Variants in PHC3 observed in about 807,000 individuals in gnomAD.
The protein encoded by PHC3 is polyhomeotic homolog 3.
A neutral mutation model predicts 107.4 loss-of-function variants in PHC3; 13 were observed. The observed-to-expected ratio is 0.12, with a 90% CI of 0.08 to 0.19. The LOEUF is 0.19. Among genes scored for constraint, PHC3 ranks in the 10% least tolerant of loss-of-function variants. The pLI, the probability that PHC3 is intolerant of heterozygous loss-of-function variation, is 1.00. For synonymous variants in PHC3, 456 were observed against 427.4 expected (o/e 1.07, Z -0.83); for missense variants, 992 against 1,210.9 (o/e 0.82, Z 2.68).
chr3:170,168,504 G>T (rs564053313), intron 4 of PHC3, among the ~76,000 whole-genome samples: 3 of 151,656 alleles, frequency 2.0e-5, no homozygotes, highest in Non-Finnish European at 2.9e-5. Flanking sequence ...GGTGGCTCAC[G>T]CCTGTAATCC....
intron 4 of PHC3, among the ~76,000 whole-genome samples, chr3:170,154,707 T>C (rs1726611546): frequency 6.6e-6 from 1 of 152,242 alleles, no homozygotes; most frequent in East Asian, 1.9e-4. Flanking sequence ...AAAGAACAAG[T>C]GTTGTGTTTA....
chr3:170,145,686 T>C (rs896947107), intron 5 of PHC3, among the ~76,000 whole-genome samples, 165 bp from the exon 6 acceptor site: 3 of 152,098 alleles, frequency 2.0e-5, no homozygotes, highest in African/African-American at 7.2e-5. Context: ...TTTCTGATAA[T>C]AGAGAACTCA....
At chr3:170,171,593 G>A (rs1189226075) in intron 3 of PHC3, 143 bp from the exon 4 acceptor site, 2 of 597,970 alleles carry the variant, frequency 3.3e-6, no homozygotes, top group Non-Finnish European at 5.7e-6. Context: ...CATGGCTTAA[G>A]CTTCGGTTAA....
intron 4 of PHC3, among the ~76,000 whole-genome samples, chr3:170,168,477 A>C (rs79783886): frequency 6.6e-6 from 1 of 151,800 alleles, no homozygotes; most frequent in Non-Finnish European, 1.5e-5. Flanking sequence ...TAAAATCACC[A>C]CTCCACGGCC....
intron 4 of PHC3, among the ~76,000 whole-genome samples, chr3:170,160,623 G>A (rs747570288): frequency 1.3e-5 from 2 of 152,160 alleles, no homozygotes; most frequent in East Asian, 1.9e-4. Flanking sequence ...ACATTAGGTC[G>A]GGCATGGTGG....
chr3:170,110,249 T>C (rs1717368267), intron 11 of PHC3, among the ~76,000 whole-genome samples: 1 of 152,070 alleles, frequency 6.6e-6, no homozygotes, highest in African/African-American at 2.4e-5. Context: ...TCTTCAGTAC[T>C]ATCCACCCAC....
chr3:170,169,740 T>A (rs1412585837), intron 4 of PHC3: 1 of 152,198 alleles, frequency 6.6e-6, no homozygotes, highest in Non-Finnish European at 1.5e-5. Context: ...AGATACCTTT[T>A]AATAACATGA....
intron 5 of PHC3, among the ~76,000 whole-genome samples, chr3:170,146,535 CTTTT>C (rs373420736): frequency 2.4e-5 from 3 of 123,476 alleles, no homozygotes; most frequent in Non-Finnish European, 3.4e-5. Flanking sequence ...TTTTCTTTTT[CTTTT>C]TTTTTTTTTT....
rs370682571 is a variant in PHC3, at chr3:170,102,681, T to G, written c.2631A>C (p.Glu877Asp). The G allele has an allele frequency of 6.8e-6, 11 of 1,613,888 alleles. No individual in the cohort carries two copies. Among genetic ancestry groups the G allele is most frequent in the Non-Finnish European group, 9.3e-6 (11 of 1,179,874 alleles). ...CAGAATCTTCATGAGAAGCCAAGTC[T>G]TCTTCTGCAGATGGATAAGTAATTG... ...QLPITYPSAEEDLASHEDSVP... is the reference protein window; with the variant it reads ...QLPITYPSAEDDLASHEDSVP... Residue 877 changes from glutamate to aspartate, a missense_variant, in exon 14 of 15, where the codon GAA (glutamate) becomes GAC (aspartate). Physicochemically the swap from Glu to Asp is conservative, Grantham distance 45. This residue lies in a region of PHC3 where 228 missense variants were observed against 288.8 expected (regional missense o/e 0.79). Coordinates refer to ENST00000495893, the MANE Select transcript of PHC3 (RefSeq NM_024947.4).
intron 1 of PHC3, 160 bp downstream of exon 1, chr3:170,181,542 C>A: frequency 1.9e-6 from 2 of 1,055,596 alleles, no homozygotes; most frequent in African/African-American, 3.1e-5. Context: ...CTTCGCCCCG[C>A]GACACGGGCC....
chr3:170,170,180 T>C (rs1729372413), intron 4 of PHC3: 1 of 152,036 alleles, frequency 6.6e-6, no homozygotes, highest in African/African-American at 2.4e-5. Flanking sequence ...TCCTTAACCT[T>C]CAATTCCTTA....
intron 1 of PHC3, among the ~76,000 whole-genome samples, chr3:170,179,807 C>G (rs1026197122): frequency 1.7e-4 from 26 of 152,096 alleles, no homozygotes; most frequent in African/African-American, 6.0e-4. Context: ...ATTCTAAGGA[C>G]CTCCATATTG....
chr3:170,149,667 G>C (rs969600863), intron 4 of PHC3, among the ~76,000 whole-genome samples: 1 of 152,168 alleles, frequency 6.6e-6, no homozygotes, highest in Non-Finnish European at 1.5e-5. Flanking sequence ...TGTTGGTCAG[G>C]CTGGTCTCGA....
At chr3:170,176,988 T>G (rs1388859588) in intron 2 of PHC3, 1 of 409,470 alleles carries the variant, frequency 2.4e-6, no homozygotes. Context: ...ATGCCCTTTT[T>G]ATATAATACC....
chr3:170,102,500 C>A lies in PHC3; in HGVS notation c.2812G>T (p.Ala938Ser). The change falls in exon 14 of 15, where the codon GCC becomes TCC. Residue 938 changes from alanine (A) to serine (S), a missense_variant. This residue lies in a region of PHC3 where 228 missense variants were observed against 288.8 expected (regional missense o/e 0.79). Coordinates refer to ENST00000495893, the MANE Select transcript of PHC3 (RefSeq NM_024947.4). ...PSIWTVDDVW[A>S]FIHSLPGCQD... ...ATACCAGGCAAAGAATGGATGAAGG[C>A]CCAGACATCATCAACTGTCCATATA... 1 of 1,613,592 alleles carries A rather than the reference C, an allele frequency of 6.2e-7. No homozygotes were observed. Among genetic ancestry groups the A allele is most frequent in the East Asian group, 2.2e-5 (1 of 44,840 alleles).
chr3:170,139,679 G>A (rs1230954936), intron 6 of PHC3, among the ~76,000 whole-genome samples: 1 of 152,034 alleles, frequency 6.6e-6, no homozygotes, highest in Non-Finnish European at 1.5e-5. Flanking sequence ...ATATATTTTA[G>A]AATATGGTTA....
intron 7 of PHC3, among the ~76,000 whole-genome samples, chr3:170,135,119 T>C (rs367779286): frequency 2.6e-5 from 4 of 152,098 alleles, no homozygotes; most frequent in African/African-American, 4.8e-5. Flanking sequence ...CCCGATGAGG[T>C]TGCTGGAACA....
chr3:170,178,304 C>T (rs1190541322), intron 2 of PHC3, among the ~76,000 whole-genome samples: 1 of 151,960 alleles, frequency 6.6e-6, no homozygotes, highest in South Asian at 2.1e-4. Flanking sequence ...CCACTGCGCC[C>T]GGCTAATTTT....
intron 3 of PHC3, among the ~76,000 whole-genome samples, chr3:170,171,683 T>C (rs964547017): frequency 2.0e-5 from 3 of 152,242 alleles, no homozygotes; most frequent in African/African-American, 4.8e-5. Flanking sequence ...AGCTACTTTA[T>C]TGTCAGTTTC....
Sources: gnomAD v4.1 joint callset for allele counts (sites outside exome capture counted in the v4.1 genomes callset) on GRCh38, gnomAD v4.1.1 for gene constraint, gnomAD v4.1.1 regional missense constraint, MANE v1.5 for transcripts, NCBI Gene and HGNC (gene_info 2026-07-23, HGNC 2026-07-21) for gene names.